MAPK4: variants seen among roughly 807,000 people sequenced by gnomAD.
MAPK4 encodes Erk3-related.
Under a neutral mutation model 47.7 loss-of-function variants are expected in MAPK4, and 22 were observed. The observed-to-expected ratio is 0.46, with a 90% CI of 0.33 to 0.66. The LOEUF is 0.66. MAPK4 is among the 30% of genes least tolerant of loss of function. MAPK4 has a pLI of 0.02. For synonymous variants in MAPK4, 390 were observed against 365.7 expected (o/e 1.07, Z -0.76); for missense variants, 736 against 831.7 (o/e 0.88, Z 1.42).
chr18:50,627,932 T>A (rs1422073831), intron 1 of MAPK4, among the ~76,000 whole-genome samples: 1 of 152,092 alleles, frequency 6.6e-6, no homozygotes, highest in Non-Finnish European at 1.5e-5. Context: ...CAGGCAAGCA[T>A]TAGACAGACT....
intron 1 of MAPK4, among the ~76,000 whole-genome samples, chr18:50,626,039 G>A (rs540008816): frequency 6.6e-6 from 1 of 152,290 alleles, no homozygotes; most frequent in East Asian, 1.9e-4. Context: ...AGCTGAGGTT[G>A]CATTGAAGCC....
At chr18:50,651,337 C>T (rs1281002276) in intron 1 of MAPK4, among the ~76,000 whole-genome samples, 3 of 152,202 alleles carry the variant, frequency 2.0e-5, no homozygotes, top group Non-Finnish European at 4.4e-5. Flanking sequence ...GACCAGTTCT[C>T]TCCCTCTCTC....
At chr18:50,720,211 C>G (rs188460652) in intron 3 of MAPK4, among the ~76,000 whole-genome samples, 1 of 152,096 alleles carries the variant, frequency 6.6e-6, no homozygotes, top group Non-Finnish European at 1.5e-5. Flanking sequence ...ATGATTAGGA[C>G]ATAAATCCCC....
At chr18:50,606,162 C>A (rs1224730964) in intron 1 of MAPK4, among the ~76,000 whole-genome samples, 1 of 152,068 alleles carries the variant, frequency 6.6e-6, no homozygotes, top group African/African-American at 2.4e-5. Flanking sequence ...TGGGGAGAAC[C>A]CCGCCTGCCA....
chr18:50,688,364 C>T (rs928945305), intron 2 of MAPK4, among the ~76,000 whole-genome samples: 1 of 152,172 alleles, frequency 6.6e-6, no homozygotes, highest in African/African-American at 2.4e-5. Context: ...GACCCCTCCC[C>T]AGGGCCCCAA....
intron 1 of MAPK4, among the ~76,000 whole-genome samples, chr18:50,571,566 T>C (rs2042250570): frequency 6.6e-6 from 1 of 152,214 alleles, no homozygotes; most frequent in Admixed American, 6.5e-5. Context: ...TGATTCACTT[T>C]AGGTACAAGC....
intron 1 of MAPK4, among the ~76,000 whole-genome samples, chr18:50,593,487 G>A (rs1016971371): frequency 6.6e-5 from 10 of 152,178 alleles, no homozygotes; most frequent in Non-Finnish European, 1.0e-4. Context: ...CAGATAACCC[G>A]CAGTCTTTCT....
At chr18:50,686,191 A>T (rs540553583) in intron 2 of MAPK4, among the ~76,000 whole-genome samples, 2 of 152,286 alleles carry the variant, frequency 1.3e-5, no homozygotes, top group South Asian at 4.1e-4. Flanking sequence ...CAAGCTGCCA[A>T]ATGTAACTCC....
rs1169767068 is a variant in MAPK4 at position 50,729,068 on chromosome 18, G to A, written c.1068-90G>A. 6 of 1,134,712 alleles carry A rather than the reference G, an allele frequency of 5.3e-6. No homozygotes were observed. The East Asian group carries it at 1.2e-4, about 23-fold the overall frequency. The allele number at this position is 1,134,712 out of a possible 1,614,324, so 70.3% of individuals were successfully genotyped here. On this transcript the variant is annotated intron_variant, in intron 5 of 5. Coordinates refer to ENST00000400384, the MANE Select transcript of MAPK4 (RefSeq NM_002747.4). ...GGATGGGGGTCGAAGGCAGGTGTGT[G>A]AGTGGCAAACAGGGATTAGAGGGCT...
At chr18:50,562,964 C>T (rs2042167082) in intron 1 of MAPK4, among the ~76,000 whole-genome samples, 1 of 152,096 alleles carries the variant, frequency 6.6e-6, no homozygotes, top group Admixed American at 6.5e-5. Flanking sequence ...TATCTTTTTG[C>T]CTTGGCCTCT....
At chr18:50,713,311 C>T (rs1176876071) in intron 2 of MAPK4, among the ~76,000 whole-genome samples, 1 of 152,182 alleles carries the variant, frequency 6.6e-6, no homozygotes, top group Non-Finnish European at 1.5e-5. Context: ...GACATTGGCC[C>T]ATCCTTTGTT....
At chr18:50,604,582 G>A (rs1371869603) in intron 1 of MAPK4, among the ~76,000 whole-genome samples, 1 of 152,130 alleles carries the variant, frequency 6.6e-6, no homozygotes. Context: ...TAGAATAATC[G>A]ATCTGAGAAA....
chr18:50,653,313 A>G (rs569128572), intron 1 of MAPK4, among the ~76,000 whole-genome samples: 1 of 152,328 alleles, frequency 6.6e-6, no homozygotes, highest in South Asian at 2.1e-4. Flanking sequence ...GAAATGTGAC[A>G]TTATCTATAA....
chr18:50,609,086 G>A (rs1218389697), intron 1 of MAPK4, among the ~76,000 whole-genome samples: 2 of 152,140 alleles, frequency 1.3e-5, no homozygotes, highest in Admixed American at 1.3e-4. Flanking sequence ...ATTTTTCTTA[G>A]TACAGAACAA....
intron 1 of MAPK4, among the ~76,000 whole-genome samples, chr18:50,576,115 T>C (rs1382708575): frequency 7.8e-6 from 1 of 129,000 alleles, no homozygotes; most frequent in East Asian, 2.4e-4. Flanking sequence ...AGAATTACCA[T>C]TTGACCCAGC....
chr18:50,717,488 G>T (rs1381109017), intron 3 of MAPK4, among the ~76,000 whole-genome samples: 1 of 152,162 alleles, frequency 6.6e-6, no homozygotes, highest in East Asian at 1.9e-4. Context: ...TGGGAAGGGA[G>T]GGGGAGAGTG....
At chr18:50,724,969 CAGGGCAGAGCTCCA>C (rs1371066952) in intron 4 of MAPK4, among the ~76,000 whole-genome samples, 2 of 152,222 alleles carry the variant, frequency 1.3e-5, no homozygotes, top group Non-Finnish European at 2.9e-5. Flanking sequence ...TGAGATAACC[CAGGGCAGAGCTCCA>C]AGAGCAGAGC....
At chr18:50,584,771 G>A (rs2042374999) in intron 1 of MAPK4, among the ~76,000 whole-genome samples, 1 of 152,204 alleles carries the variant, frequency 6.6e-6, no homozygotes, top group Admixed American at 6.5e-5. Flanking sequence ...ATTTAATTCA[G>A]GAGCTTACAA....
chr18:50,656,108 T>G (rs1002163388), intron 1 of MAPK4, among the ~76,000 whole-genome samples: 10 of 152,228 alleles, frequency 6.6e-5, no homozygotes, highest in African/African-American at 1.9e-4. Flanking sequence ...TCAAGGCCTC[T>G]TCTCTATTTT....
Sources: gnomAD v4.1 joint callset for allele counts (sites outside exome capture counted in the v4.1 genomes callset) on GRCh38, gnomAD v4.1.1 for gene constraint, MANE v1.5 for transcripts, NCBI Gene and HGNC (gene_info 2026-07-23, HGNC 2026-07-21) for gene names.